Variants in ATP8A2 observed in about 807,000 individuals in gnomAD.
The protein encoded by ATP8A2 is ATPase phospholipid transporting 8A2, also known as phospholipid-transporting ATPase IB.
Under a neutral mutation model 165.6 loss-of-function variants are expected in ATP8A2, and 100 were observed. The ratio of observed to expected loss-of-function variants is 0.60; its 90% CI spans 0.51 to 0.71. ATP8A2 has a LOEUF of 0.71. Ranked by LOEUF, ATP8A2 falls within the 30% of genes least tolerant of loss-of-function variation. The pLI is 0.00. For missense variants in ATP8A2, 1,227 were observed against 1,479.5 expected (o/e 0.83, Z 2.80); for synonymous variants, 543 against 548.8 (o/e 0.99, Z 0.15).
At chr13:25,810,404 T>G (rs1950839188) in intron 27 of ATP8A2, among the ~76,000 whole-genome samples, 1 of 152,050 alleles carries the variant, frequency 6.6e-6, no homozygotes, top group Non-Finnish European at 1.5e-5. Flanking sequence ...CACATTTTAC[T>G]GTCTTTAATA....
At chr13:25,648,926 T>C in intron 24 of ATP8A2, 1 of 435,690 alleles carries the variant, frequency 2.3e-6, no homozygotes, top group Non-Finnish European at 4.6e-6. Context: ...GGCTGACTAT[T>C]ATGACTGTAT....
intron 24 of ATP8A2, among the ~76,000 whole-genome samples, chr13:25,659,156 C>T (rs1020226296): frequency 1.3e-5 from 2 of 152,168 alleles, no homozygotes; most frequent in African/African-American, 4.8e-5. Flanking sequence ...CAGTGAGTCA[C>T]TCCAGGCAGT....
chr13:26,006,155 T>C (rs1056710175), intron 35 of ATP8A2, among the ~76,000 whole-genome samples: 2 of 152,160 alleles, frequency 1.3e-5, no homozygotes, highest in African/African-American at 4.8e-5. Flanking sequence ...GAACACAGGG[T>C]ATTTTTCAAT....
At chr13:25,770,434 AT>A (rs1566121234) in intron 26 of ATP8A2, among the ~76,000 whole-genome samples, 4 of 152,116 alleles carry the variant, frequency 2.6e-5, no homozygotes, top group Non-Finnish European at 4.4e-5. Flanking sequence ...TTGACTCCCT[AT>A]GATTTCTTCC....
At chr13:25,384,023 A>G (rs1217027631) in intron 1 of ATP8A2, among the ~76,000 whole-genome samples, 1 of 152,076 alleles carries the variant, frequency 6.6e-6, no homozygotes, top group African/African-American at 2.4e-5. Flanking sequence ...GTGAGTGGCC[A>G]TCTGTCTTAT....
intron 25 of ATP8A2, among the ~76,000 whole-genome samples, chr13:25,745,759 A>T (rs564871645): frequency 1.3e-5 from 2 of 152,246 alleles, no homozygotes; most frequent in African/African-American, 4.8e-5. Context: ...TCTAGTGCCA[A>T]TAGAACTTTG....
intron 2 of ATP8A2, among the ~76,000 whole-genome samples, chr13:25,472,393 CAAAAAAA>C: frequency 1.1e-5 from 1 of 93,750 alleles, no homozygotes; most frequent in East Asian, 3.7e-4. Context: ...GACTCCGTCT[CAAAAAAA>C]AAAAAAAAAA....
At chr13:25,932,635 T>A (rs1954797542) in intron 33 of ATP8A2, among the ~76,000 whole-genome samples, 1 of 152,222 alleles carries the variant, frequency 6.6e-6, no homozygotes, top group Non-Finnish European at 1.5e-5. Flanking sequence ...ACTGTTTTGA[T>A]GCTTCAAAAA....
At chr13:25,491,994 TTC>T (rs1242066692) in intron 2 of ATP8A2, among the ~76,000 whole-genome samples, 1 of 152,268 alleles carries the variant, frequency 6.6e-6, no homozygotes, top group East Asian at 1.9e-4. Context: ...TTGTGCTTTA[TTC>T]TCTTTTTTTT....
intron 24 of ATP8A2, among the ~76,000 whole-genome samples, chr13:25,611,785 A>G (rs1026155106): frequency 3.9e-5 from 6 of 152,190 alleles, no homozygotes; most frequent in African/African-American, 1.4e-4. Flanking sequence ...TTTGTTGGCA[A>G]TTTTTAAAAT....
chr13:25,699,463 A>C, intron 25 of ATP8A2, 118 bp downstream of exon 25: 1 of 770,354 alleles, frequency 1.3e-6, no homozygotes, highest in Non-Finnish European at 1.9e-6. Flanking sequence ...AAAAAAGGCA[A>C]AACAAAAATA....
At chr13:25,852,663 C>T (rs9511957) in intron 30 of ATP8A2, among the ~76,000 whole-genome samples, 20,242 of 152,118 alleles carry the variant, frequency 0.13, 1,600 homozygotes, top group Non-Finnish European at 0.18. Context: ...TTAATTAGTA[C>T]AAACTCTCAT....
chr13:26,015,564 T>C (rs945042086), intron 36 of ATP8A2, among the ~76,000 whole-genome samples: 3 of 152,124 alleles, frequency 2.0e-5, no homozygotes, highest in East Asian at 3.8e-4. Flanking sequence ...AAAGGAATGC[T>C]ACTTAAGGGG....
At chr13:25,813,718 T>C (rs1246333642) in intron 27 of ATP8A2, among the ~76,000 whole-genome samples, 1 of 152,152 alleles carries the variant, frequency 6.6e-6, no homozygotes, top group Non-Finnish European at 1.5e-5. Flanking sequence ...TGAACTTTAC[T>C]GAGCCATGGG....
intron 24 of ATP8A2, among the ~76,000 whole-genome samples, chr13:25,611,011 G>T (rs2040671404): frequency 1.3e-5 from 2 of 149,994 alleles, no homozygotes; most frequent in African/African-American, 4.9e-5. Flanking sequence ...CTGAAACTTT[G>T]CTGAAATCAT....
At chr13:25,948,360 T>G (rs983875744) in intron 33 of ATP8A2, among the ~76,000 whole-genome samples, 1 of 152,122 alleles carries the variant, frequency 6.6e-6, no homozygotes, top group Non-Finnish European at 1.5e-5. Context: ...TGTATGGCAT[T>G]TACCATGTGC....
At chr13:25,722,366 T>G (rs2138040396) in intron 25 of ATP8A2, among the ~76,000 whole-genome samples, 1 of 152,330 alleles carries the variant, frequency 6.6e-6, no homozygotes, top group African/African-American at 2.4e-5. Context: ...GTCCCAAGAC[T>G]TCCTTGAACA....
intron 24 of ATP8A2, among the ~76,000 whole-genome samples, chr13:25,616,332 T>C (rs1461094812): frequency 1.6e-4 from 22 of 141,632 alleles, no homozygotes; most frequent in East Asian, 1.4e-3. Context: ...CTTTCTTTTT[T>C]TTTTTTTTTT....
chr13:25,845,816 C>T (rs1473696633), intron 30 of ATP8A2, among the ~76,000 whole-genome samples: 2 of 152,172 alleles, frequency 1.3e-5, no homozygotes, highest in Non-Finnish European at 2.9e-5. Flanking sequence ...TAAATTTGGG[C>T]AAGATTGCCA....
Sources: allele counts gnomAD v4.1 joint callset (sites outside exome capture counted in the v4.1 genomes callset), GRCh38; gene constraint gnomAD v4.1.1; transcripts MANE v1.5; gene names NCBI Gene and HGNC (gene_info 2026-07-23, HGNC 2026-07-21).